ITPR2: variants seen among roughly 807,000 people sequenced by gnomAD.
ITPR2 encodes inositol 1,4,5-trisphosphate-gated calcium channel ITPR2.
ITPR2 carries 207 observed loss-of-function variants against 317.1 expected under a neutral mutation model. The ratio of observed to expected loss-of-function variants is 0.65; its 90% CI spans 0.58 to 0.73. ITPR2 has a LOEUF of 0.73. ITPR2 is among the 30% of genes least tolerant of loss of function. The probability of loss-of-function intolerance (pLI) is 0.00; values close to 1 mark genes in which losing one functional copy is unlikely to be tolerated. For synonymous variants in ITPR2, 1,156 were observed against 1,149.1 expected (o/e 1.01, Z -0.12); for missense variants, 2,613 against 3,284.0 (o/e 0.80, Z 4.99).
At chr12:26,339,963 G>T (rs1420776711) in intron 56 of ITPR2, among the ~76,000 whole-genome samples, 3 of 152,160 alleles carry the variant, frequency 2.0e-5, no homozygotes, top group African/African-American at 7.2e-5. Flanking sequence ...AGAAGGAGAA[G>T]TGTCGTGTGA....
chr12:26,772,647 C>T (rs757522376), intron 2 of ITPR2, among the ~76,000 whole-genome samples: 3 of 149,280 alleles, frequency 2.0e-5, no homozygotes, highest in Non-Finnish European at 4.4e-5. Context: ...TGAACTGTAG[C>T]AACTACTTCA....
chr12:26,682,359 T>G (rs1220382325), intron 12 of ITPR2, among the ~76,000 whole-genome samples: 1 of 152,252 alleles, frequency 6.6e-6, no homozygotes, highest in Non-Finnish European at 1.5e-5. Flanking sequence ...GGTGTCTCTG[T>G]AGCATCCTTC....
chr12:26,505,546 G>T (rs2220168), intron 37 of ITPR2, among the ~76,000 whole-genome samples: 80,246 of 151,880 alleles, frequency 0.53, 22,020 homozygotes, highest in South Asian at 0.65. Context: ...CTCTCTAACC[G>T]CACCAAGTCA....
rs57612774 is a variant in ITPR2 at position 26,491,482 on chromosome 12, C to CAAAA, written c.5370+2667_5370+2670dup. Among the ~76,000 whole-genome samples, 68 of 57,860 alleles carry CAAAA rather than the reference C, an allele frequency of 1.2e-3. 7 individuals carry two copies. Among genetic ancestry groups the CAAAA allele is most frequent in the Admixed American group, 3.4e-3 (13 of 3,826 alleles). 38.0% of individuals were successfully genotyped at this position (57,860 alleles called of 152,430 possible). On this transcript the variant is annotated intron_variant, in intron 39 of 56. Transcript: ENST00000381340. ...TGGGCCACAGAGCAAGACTCCATCT[C>CAAAA]AAAAAAAAAAAAAAAAAAAAAAAAA... is the stretch of plus-strand genomic sequence containing the variant.
intron 26 of ITPR2, among the ~76,000 whole-genome samples, chr12:26,603,220 C>T (rs1051329144): frequency 3.9e-5 from 6 of 151,962 alleles, no homozygotes; most frequent in South Asian, 2.1e-4. Flanking sequence ...TTAAGAGTCA[C>T]GACTCCGGGC....
intron 22 of ITPR2, among the ~76,000 whole-genome samples, chr12:26,631,004 A>G (rs1230616307): frequency 6.6e-6 from 1 of 152,186 alleles, no homozygotes; most frequent in Non-Finnish European, 1.5e-5. Context: ...TATAAATCTA[A>G]TTACTTTAAA....
intron 2 of ITPR2, among the ~76,000 whole-genome samples, chr12:26,750,694 T>C (rs1194759016): frequency 1.3e-5 from 2 of 152,060 alleles, no homozygotes; most frequent in African/African-American, 4.8e-5. Context: ...ACATGAGACT[T>C]AGAAAGGAAA....
chr12:26,718,342 T>C (rs1326700183), intron 5 of ITPR2, among the ~76,000 whole-genome samples: 1 of 152,096 alleles, frequency 6.6e-6, no homozygotes, highest in African/African-American at 2.4e-5. Context: ...TCCTAGCCAA[T>C]AAGTTACTAA....
intron 55 of ITPR2, among the ~76,000 whole-genome samples, chr12:26,351,345 T>A (rs931275129): frequency 3.9e-5 from 6 of 152,184 alleles, no homozygotes; most frequent in Non-Finnish European, 7.3e-5. Flanking sequence ...TGGAGATGCA[T>A]TTGATGATGA....
chr12:26,608,632 G>A (rs1946193508), intron 26 of ITPR2, among the ~76,000 whole-genome samples: 1 of 150,872 alleles, frequency 6.6e-6, no homozygotes, highest in Non-Finnish European at 1.5e-5. Context: ...AGAGAGGAGG[G>A]CCTCTGCCTG....
intron 37 of ITPR2, among the ~76,000 whole-genome samples, chr12:26,497,334 T>C (rs1345151577): frequency 3.3e-5 from 5 of 151,954 alleles, no homozygotes; most frequent in Non-Finnish European, 7.4e-5. Context: ...TTTTGTATTT[T>C]TAGTAGAGAC....
At chr12:26,382,360 C>G (rs554281907) in intron 55 of ITPR2, among the ~76,000 whole-genome samples, 1 of 152,176 alleles carries the variant, frequency 6.6e-6, no homozygotes, top group South Asian at 2.1e-4. Context: ...ATTTAAATAG[C>G]TTGGTTTAGA....
At chr12:26,356,517 AC>A (rs1433223204) in intron 55 of ITPR2, among the ~76,000 whole-genome samples, 1 of 152,238 alleles carries the variant, frequency 6.6e-6, no homozygotes, top group Non-Finnish European at 1.5e-5. Context: ...ATGCGTAGAC[AC>A]AAAAGGCACA....
chr12:26,703,757 C>T (rs1948498833), intron 9 of ITPR2, among the ~76,000 whole-genome samples: 1 of 152,154 alleles, frequency 6.6e-6, no homozygotes, highest in South Asian at 2.1e-4. Context: ...CAGTCATAGT[C>T]CCTGTGATTC....
chr12:26,766,571 A>C (rs1949723778), intron 2 of ITPR2, among the ~76,000 whole-genome samples: 1 of 152,044 alleles, frequency 6.6e-6, no homozygotes, highest in South Asian at 2.1e-4. Context: ...TTTGGACTGC[A>C]TTTTCACTTT....
chr12:26,539,897 T>C (rs1944209899), intron 37 of ITPR2, among the ~76,000 whole-genome samples: 1 of 152,234 alleles, frequency 6.6e-6, no homozygotes, highest in African/African-American at 2.4e-5. Flanking sequence ...GGAAGGTCAA[T>C]GTGCTGCATT....
chr12:26,674,757 G>A (rs1947869487), intron 13 of ITPR2, among the ~76,000 whole-genome samples: 2 of 152,040 alleles, frequency 1.3e-5, no homozygotes, highest in Non-Finnish European at 2.9e-5. Context: ...GAGTGAACAG[G>A]CAACCCACAA....
chr12:26,494,438 T>A, intron 38 of ITPR2, 98 bp from the exon 39 acceptor site: 2 of 799,020 alleles, frequency 2.5e-6, no homozygotes, highest in South Asian at 4.8e-5. Context: ...AATAAAAATA[T>A]TAATCATTGA....
intron 37 of ITPR2, among the ~76,000 whole-genome samples, chr12:26,520,844 T>C (rs1196353917): frequency 1.3e-5 from 2 of 152,210 alleles, no homozygotes; most frequent in Admixed American, 6.5e-5. Context: ...TTTGATTGAT[T>C]AGATATTTAT....
Sources: gnomAD v4.1 joint callset for allele counts (sites outside exome capture counted in the v4.1 genomes callset) on GRCh38, gnomAD v4.1.1 for gene constraint, MANE v1.5 for transcripts, NCBI Gene and HGNC (gene_info 2026-07-23, HGNC 2026-07-21) for gene names.